Variants in VRTN observed in about 807,000 individuals in gnomAD.
VRTN encodes vertebrae development associated, also known as vertnin.
VRTN carries 5 observed loss-of-function variants against 18.2 expected under a neutral mutation model. The ratio of observed to expected loss-of-function variants is 0.27; its 90% confidence interval spans 0.14 to 0.58. The LOEUF is 0.58. VRTN is among the 20% of genes least tolerant of loss of function. The pLI is 0.91. For missense variants in VRTN, 741 were observed against 939.4 expected, an observed-to-expected ratio of 0.79 and a Z score of 2.76; for synonymous variants, 381 against 393.7, an observed-to-expected ratio of 0.97 and a Z score of 0.38.
At chr14:74,331,685 G>C (rs1033154683) in intron 1 of VRTN, among the ~76,000 whole-genome samples, 2 of 149,688 alleles carry the variant, frequency 1.3e-5, no homozygotes, top group Non-Finnish European at 3.0e-5. Flanking sequence ...AGGGAGCTTA[G>C]AGGTAATTTT....
intron 1 of VRTN, among the ~76,000 whole-genome samples, chr14:74,335,575 A>G (rs1308732993): frequency 6.6e-6 from 1 of 152,070 alleles, no homozygotes; most frequent in Admixed American, 6.6e-5. Context: ...CTATATTATT[A>G]TATCACTATT....
upstream of VRTN, among the ~76,000 whole-genome samples, chr14:74,346,369 A>G (rs955673741): frequency 2.6e-5 from 4 of 152,040 alleles, no homozygotes; most frequent in Non-Finnish European, 4.4e-5. Flanking sequence ...AGTGAGGAGA[A>G]TGTGTTGGGT....
chr14:74,338,436 T>C (rs1386818013), intron 2 of VRTN, among the ~76,000 whole-genome samples: 1 of 152,226 alleles, frequency 6.6e-6, no homozygotes, highest in Non-Finnish European at 1.5e-5. Flanking sequence ...TATGAGCTCT[T>C]ACCATAGAGA....
intron 1 of VRTN, among the ~76,000 whole-genome samples, chr14:74,314,937 T>A (rs538103087): frequency 9.9e-5 from 15 of 152,248 alleles, no homozygotes; most frequent in African/African-American, 3.6e-4. Context: ...TAGGTCAGAA[T>A]TTTATGGCCA....
intron 1 of VRTN, among the ~76,000 whole-genome samples, chr14:74,333,789 A>G (rs932667315): frequency 1.1e-4 from 17 of 150,278 alleles, no homozygotes; most frequent in African/African-American, 4.2e-4. Context: ...GCGGTGAGCC[A>G]AGATCGCGCC....
rs370576431 is a variant in VRTN at position 74,316,785 on chromosome 14, C to T, written c.-164+13609C>T. ...CCGAGTAGCTGGGACTACAGGCGCC[C>T]GCCACCATGCCCGGCTAATTTTTTT... is the stretch of plus-strand genomic sequence containing the variant. On this transcript the variant is annotated intron_variant, in intron 1 of 2. Coordinates refer to the VRTN transcript ENST00000557177. Among the ~76,000 whole-genome samples the T allele has an allele frequency of 7.6e-4, 115 of 151,672 alleles. No individual in the cohort carries two copies. The East Asian group carries it at 0.016, about 22-fold the overall frequency.
upstream of VRTN, chr14:74,303,033 G>A (rs72542403): frequency 9.9e-6 from 11 of 1,107,928 alleles, no homozygotes; most frequent in South Asian, 2.1e-5. Context: ...GAAGGTGCGG[G>A]AGACGCGGAC....
chr14:74,309,891 A>C lies in VRTN; in HGVS notation c.-164+6715A>C, dbSNP rs180999958. Among the ~76,000 whole-genome samples the C allele has an allele frequency of 1.4e-3, 219 of 152,202 alleles. 4 individuals are homozygous for C. Among genetic ancestry groups the C allele is most frequent in the Non-Finnish European group, 5.1e-4 (35 of 68,012 alleles). ...AAAATAATTTGGTAATAACTGTCAA[A>C]TTTTAGATGATGCCGTAGTTTCATT... On this transcript the variant is annotated intron_variant, in intron 1 of 2. Coordinates refer to the VRTN transcript ENST00000557177.
At chr14:74,325,090 C>A (rs571711693) in intron 1 of VRTN, among the ~76,000 whole-genome samples, 2 of 152,020 alleles carry the variant, frequency 1.3e-5, no homozygotes, top group East Asian at 1.9e-4. Context: ...GTCAAACAGC[C>A]CTGGCTGCAG....
chr14:74,336,139 T>C (rs1470989898), intron 1 of VRTN, among the ~76,000 whole-genome samples: 1 of 149,506 alleles, frequency 6.7e-6, no homozygotes, highest in Non-Finnish European at 1.5e-5. Context: ...CCAGGTGCGG[T>C]GGCTCACGCC....
chr14:74,346,524 T>TG (rs2085645567), upstream of VRTN, among the ~76,000 whole-genome samples: 1 of 152,154 alleles, frequency 6.6e-6, no homozygotes, highest in Non-Finnish European at 1.5e-5. Flanking sequence ...AGCAATCCTC[T>TG]GGCCCCAGCC....
chr14:74,327,062 C>G (rs1466964051), intron 1 of VRTN, among the ~76,000 whole-genome samples: 1 of 152,198 alleles, frequency 6.6e-6, no homozygotes, highest in African/African-American at 2.4e-5. Flanking sequence ...TTGGGATCCT[C>G]TTTCCTAGGT....
chr14:74,326,750 A>G (rs894331355), intron 1 of VRTN, among the ~76,000 whole-genome samples: 2 of 151,794 alleles, frequency 1.3e-5, no homozygotes, highest in South Asian at 2.1e-4. Context: ...ACACCACACC[A>G]TTTACATCTT....
At position 74,340,994 on chromosome 14, in the gene VRTN, G is replaced by A. The variant is rs1033563229; in HGVS notation, c.-2+3110G>A. 7.9e-5 allele frequency among the ~76,000 whole-genome samples: 12 copies of A among 151,810 alleles called. No individual in the cohort carries two copies. In the East Asian group the frequency reaches 1.4e-3, roughly 17 times the overall value. ...CCTGACCCTGTGATCCGCCTGCCTC[G>A]GCCTCCCAGAGTGCTGGGATTACAG... is the stretch of plus-strand genomic sequence containing the variant. On this transcript the variant is annotated intron_variant, in intron 2 of 2. Transcript: ENST00000557177.
chr14:74,352,397 A>G (rs1293277077), intron 1 of VRTN, among the ~76,000 whole-genome samples: 2 of 145,582 alleles, frequency 1.4e-5, no homozygotes, highest in Non-Finnish European at 3.0e-5. Context: ...CAGGCTGGTC[A>G]TGAACTCCTG....
At position 74,358,854 on chromosome 14, in the gene VRTN, C is replaced by T; in HGVS notation, c.2071C>T (p.Arg691Ter). Residue 691 changes from arginine (R) to a stop codon, truncating the protein, a stop_gained, in exon 2 of 2, where the codon CGA becomes TGA. Transcript: ENST00000256362. LOFTEE classifies it high-confidence loss of function. This position sits in a 1 kb window ranked among gnomAD's most constrained non-coding sequence, Gnocchi z 5.4. ...TARSTYYMWK[R>*]ALYDGLTLVD... is the part of the protein sequence containing the mutation. Reference sequence around the variant, plus strand: ...CCGCTCCACATACTACATGTGGAAGCGAGCCCTCTATGACGGCCTGACCCT... The same window carrying T: ...CCGCTCCACATACTACATGTGGAAGTGAGCCCTCTATGACGGCCTGACCCT... The T allele has an allele frequency of 6.2e-7, 1 of 1,613,842 alleles. No homozygotes were observed. The highest frequency in any genetic ancestry group is 1.3e-5 in the African/African-American group (1 of 75,064).
intron 1 of VRTN, among the ~76,000 whole-genome samples, chr14:74,329,877 T>A (rs969331333): frequency 1.6e-5 from 2 of 124,190 alleles, no homozygotes; most frequent in African/African-American, 6.9e-5. Flanking sequence ...GGGCCTGGGC[T>A]TTTTTTTTTT....
At chr14:74,311,675 G>A (rs1363107363) in intron 1 of VRTN, among the ~76,000 whole-genome samples, 3 of 151,832 alleles carry the variant, frequency 2.0e-5, no homozygotes, top group African/African-American at 7.3e-5. Context: ...CTTCCAAAGT[G>A]CTGGGATTAT....
rs190165795 is a variant in VRTN, at chr14:74,335,717, T to C, written c.-163-2006T>C. 4.8e-3 allele frequency among the ~76,000 whole-genome samples: 724 copies of C among 151,926 alleles called. 4 individuals carry two copies. The highest frequency in any genetic ancestry group is 0.017 in the African/African-American group (689 of 41,400). On this transcript the variant is annotated intron_variant, in intron 1 of 2. Transcript: ENST00000557177. ...TTCAATATAGGTGTCCTTAAGCAGT[T>C]TCTCCCCTTTTACAGATGTTCTATT...
Sources: allele counts gnomAD v4.1 joint callset (sites outside exome capture counted in the v4.1 genomes callset), GRCh38; gene constraint gnomAD v4.1.1; non-coding constraint Gnocchi (gnomAD v3.1); transcripts MANE v1.5; gene names NCBI Gene and HGNC (gene_info 2026-07-23, HGNC 2026-07-21).